Variants in HEMK2 observed in about 807,000 individuals in gnomAD.
HEMK2 encodes the protein HemK methyltransferase 2, ETF1 glutamine and histone H4 lysine.
chr21:28,686,346 T>C, the HEMK2 span, among the ~76,000 whole-genome samples: 3 of 152,116 alleles, frequency 2.0e-5, no homozygotes, highest in Admixed American at 1.3e-4. Flanking sequence ...GCGACTCTCC[T>C]GCCTCAGCCT....
chr21:28,698,098 C>T, the HEMK2 span, among the ~76,000 whole-genome samples: 1 of 152,190 alleles, frequency 6.6e-6, no homozygotes, highest in East Asian at 1.9e-4. Context: ...ATTAAACCAC[C>T]TCACAAAGGA....
chr21:28,715,127 T>A, the HEMK2 span, among the ~76,000 whole-genome samples: 5 of 152,218 alleles, frequency 3.3e-5, no homozygotes, highest in Non-Finnish European at 5.9e-5. Context: ...TTTGGTAGAA[T>A]GATTTATATT....
chr21:28,829,127 T>A, the HEMK2 span, among the ~76,000 whole-genome samples: 1 of 152,230 alleles, frequency 6.6e-6, no homozygotes, highest in African/African-American at 2.4e-5. Flanking sequence ...AATCTTCATT[T>A]TTAACGATTT....
chr21:28,736,880 C>T, the HEMK2 span, among the ~76,000 whole-genome samples: 1 of 151,420 alleles, frequency 6.6e-6, no homozygotes. Flanking sequence ...TTGACAGTTA[C>T]GTGTCCTTTC....
the HEMK2 span, among the ~76,000 whole-genome samples, chr21:28,866,373 C>A: frequency 1.3e-5 from 2 of 151,506 alleles, no homozygotes; most frequent in Admixed American, 6.6e-5. Context: ...TGCTTAAACC[C>A]AGGAGGCAGA....
chr21:28,736,274 C>T, the HEMK2 span, among the ~76,000 whole-genome samples: 1 of 152,208 alleles, frequency 6.6e-6, no homozygotes, highest in Admixed American at 6.5e-5. Flanking sequence ...CAGGCCCACA[C>T]TGTCCGTGAA....
At chr21:28,605,326 G>C in the HEMK2 span, among the ~76,000 whole-genome samples, 1 of 152,186 alleles carries the variant, frequency 6.6e-6, no homozygotes, top group Non-Finnish European at 1.5e-5. Context: ...TCTGTGTAGT[G>C]GTTTCGTTCT....
At chr21:28,849,351 A>G in the HEMK2 span, among the ~76,000 whole-genome samples, 1 of 152,100 alleles carries the variant, frequency 6.6e-6, no homozygotes, top group East Asian at 1.9e-4. Context: ...GCAAAAAAAC[A>G]ACAACAACAA....
chr21:28,813,344 C>T, the HEMK2 span, among the ~76,000 whole-genome samples: 1 of 150,928 alleles, frequency 6.6e-6, no homozygotes, highest in African/African-American at 2.4e-5. Flanking sequence ...AGTGAATTCC[C>T]ATTCACAATT....
chr21:28,620,660 C>CTTTTTTTTTTTT, the HEMK2 span, among the ~76,000 whole-genome samples: 160 of 49,656 alleles, frequency 3.2e-3, 30 homozygotes, highest in African/African-American at 8.6e-3. Context: ...TCTCTCTTTT[C>CTTTTTTTTTTTT]TTTTTTTTTT....
chr21:28,598,144 C>T, the HEMK2 span, among the ~76,000 whole-genome samples: 2,706 of 152,292 alleles, frequency 0.018, 105 homozygotes, highest in African/African-American at 0.063. Flanking sequence ...AAACTGAACA[C>T]TTCCAAGAAA....
At chr21:28,686,896 C>G in the HEMK2 span, among the ~76,000 whole-genome samples, 1 of 152,136 alleles carries the variant, frequency 6.6e-6, no homozygotes, top group Non-Finnish European at 1.5e-5. Context: ...TTTAGCCAAT[C>G]CATATGTTCA....
the HEMK2 span, among the ~76,000 whole-genome samples, chr21:28,605,787 G>A: frequency 6.6e-6 from 1 of 152,142 alleles, no homozygotes. Context: ...TTTAAGGCCA[G>A]TTTTGATTGA....
chr21:28,868,811 C>T, the HEMK2 span, among the ~76,000 whole-genome samples: 67 of 152,248 alleles, frequency 4.4e-4, no homozygotes, highest in South Asian at 0.012. Context: ...GGGGGACTAA[C>T]GCATAGAAAT....
the HEMK2 span, among the ~76,000 whole-genome samples, chr21:28,602,741 A>G: frequency 6.6e-6 from 1 of 152,214 alleles, no homozygotes; most frequent in Non-Finnish European, 1.5e-5. Context: ...CAGTTTTAGC[A>G]TTGGGACCAA....
At chr21:28,653,639 A>G in the HEMK2 span, among the ~76,000 whole-genome samples, 1 of 152,144 alleles carries the variant, frequency 6.6e-6, no homozygotes, top group African/African-American at 2.4e-5. Context: ...ACATCCGACA[A>G]GTTTCTTGTT....
the HEMK2 span, among the ~76,000 whole-genome samples, chr21:28,714,069 A>C: frequency 2.0e-5 from 3 of 152,208 alleles, no homozygotes; most frequent in Middle Eastern, 3.2e-3. Flanking sequence ...TAACAGTTAT[A>C]GAGTTGTCTT....
the HEMK2 span, among the ~76,000 whole-genome samples, chr21:28,882,465 A>G: frequency 6.6e-6 from 1 of 152,222 alleles, no homozygotes. Flanking sequence ...GAGTAGAAGA[A>G]TACACATACA....
the HEMK2 span, among the ~76,000 whole-genome samples, chr21:28,583,115 T>C: frequency 2.0e-5 from 3 of 152,246 alleles, no homozygotes. Context: ...TGTGAAAGCA[T>C]TTTTAAAATA....
Sources: allele counts gnomAD v4.1 joint callset (sites outside exome capture counted in the v4.1 genomes callset), GRCh38; gene constraint gnomAD v4.1.1; transcripts MANE v1.5; gene names NCBI Gene and HGNC (gene_info 2026-07-23, HGNC 2026-07-21).